The following OR51B5 variants were observed in gnomAD, a reference collection of about 807,000 sequenced individuals.
The protein encoded by OR51B5 is olfactory receptor 51B5.
For missense variants in OR51B5, 456 were observed against 374.6 expected (o/e 1.22, Z -1.79); for synonymous variants, 186 against 144.8 (o/e 1.28, Z -2.04).
At chr11:5,351,463 A>C in intron 1 of OR51B5, 1 of 1,486,266 alleles carries the variant, frequency 6.7e-7, no homozygotes, top group Non-Finnish European at 9.2e-7. Flanking sequence ...ACTGATTACT[A>C]TTGCTTTACC....
intron 1 of OR51B5, among the ~76,000 whole-genome samples, chr11:5,414,838 AC>A (rs1434204237): frequency 6.6e-6 from 1 of 152,210 alleles, no homozygotes; most frequent in Admixed American, 6.5e-5. Context: ...AGACTTTAAC[AC>A]CCCACTGTCA....
intron 1 of OR51B5, among the ~76,000 whole-genome samples, chr11:5,408,246 T>G (rs1190038433): frequency 1.3e-5 from 2 of 152,134 alleles, no homozygotes; most frequent in African/African-American, 4.8e-5. Flanking sequence ...TCCTTTAATT[T>G]TATCCCAATA....
chr11:5,465,200 C>T (rs1234115801), intron 1 of OR51B5, among the ~76,000 whole-genome samples: 2,047 of 67,696 alleles, frequency 0.03, 71 homozygotes, highest in African/African-American at 0.1. Context: ...AGCGAGACTC[C>T]GTCTCAAAAA....
At chr11:5,355,762 T>TA (rs10581803) in intron 1 of OR51B5, among the ~76,000 whole-genome samples, 106 of 148,580 alleles carry the variant, frequency 7.1e-4, no homozygotes, top group East Asian at 5.2e-3. Context: ...CTTTAAAAAT[T>TA]AAAAAAAAAA....
At chr11:5,422,126 CAA>C in intron 1 of OR51B5, 2 of 1,166,534 alleles carry the variant, frequency 1.7e-6, no homozygotes, top group Non-Finnish European at 2.5e-6. Flanking sequence ...TTAAATGGGG[CAA>C]AGAGATATTA....
intron 1 of OR51B5, chr11:5,505,543 AAAAG>A: frequency 1.7e-6 from 2 of 1,149,416 alleles, no homozygotes; most frequent in Non-Finnish European, 2.2e-6. Context: ...GGCAATTTAT[AAAAG>A]AAAGAGGTTT....
chr11:5,383,205 T>C (rs1052365342), intron 1 of OR51B5, among the ~76,000 whole-genome samples: 2 of 152,088 alleles, frequency 1.3e-5, no homozygotes, highest in African/African-American at 2.4e-5. Flanking sequence ...CATTCAAAGA[T>C]GAAGTAGAGA....
intron 1 of OR51B5, among the ~76,000 whole-genome samples, chr11:5,424,638 G>A (rs1480831763): frequency 6.6e-6 from 1 of 151,966 alleles, no homozygotes; most frequent in Non-Finnish European, 1.5e-5. Flanking sequence ...TGAAGGCAGG[G>A]TTTCACTGGG....
intron 1 of OR51B5, chr11:5,392,778 G>A (rs1025115955): frequency 6.6e-6 from 1 of 152,280 alleles, no homozygotes; most frequent in Admixed American, 6.5e-5. Context: ...CGGGCATGGT[G>A]GTGGGCACCT....
intron 1 of OR51B5, among the ~76,000 whole-genome samples, chr11:5,380,442 A>G (rs1849592450): frequency 6.6e-6 from 1 of 152,154 alleles, no homozygotes; most frequent in African/African-American, 2.4e-5. Context: ...TTCTTCTGGG[A>G]AGGACTTGTT....
At chr11:5,390,468 T>TA in intron 1 of OR51B5, 1 of 1,178,984 alleles carries the variant, frequency 8.5e-7, no homozygotes, top group South Asian at 1.7e-5. Context: ...AGCATGCTCT[T>TA]AAAGATTTTT....
At chr11:5,409,470 G>C (rs1850110154) in intron 1 of OR51B5, among the ~76,000 whole-genome samples, 1 of 151,080 alleles carries the variant, frequency 6.6e-6, no homozygotes, top group Non-Finnish European at 1.5e-5. Flanking sequence ...CAAAGAATCG[G>C]AAAATATTAA....
At chr11:5,367,033 T>A (rs1386308453) in intron 1 of OR51B5, among the ~76,000 whole-genome samples, 1 of 152,148 alleles carries the variant, frequency 6.6e-6, no homozygotes, top group Non-Finnish European at 1.5e-5. Flanking sequence ...TGAACCAGGA[T>A]AAAATTCTCT....
intron 1 of OR51B5, among the ~76,000 whole-genome samples, chr11:5,399,216 A>T (rs1441206871): frequency 6.6e-6 from 1 of 152,042 alleles, no homozygotes. Context: ...CTCATCTATT[A>T]AGTGGGAAAT....
chr11:5,468,703 T>C (rs1283645345), intron 1 of OR51B5: 1 of 456,340 alleles, frequency 2.2e-6, no homozygotes, highest in African/African-American at 2.0e-5. Context: ...ATGTGTTGAG[T>C]GTCTTAAGCC....
chr11:5,422,931 T>C, intron 1 of OR51B5: 2 of 1,614,120 alleles, frequency 1.2e-6, no homozygotes, highest in Non-Finnish European at 1.7e-6. Context: ...AATAACTGCC[T>C]GTCCCACATT....
At chr11:5,443,729 CCCA>C (rs1371889681) in intron 1 of OR51B5, among the ~76,000 whole-genome samples, 1 of 151,852 alleles carries the variant, frequency 6.6e-6, no homozygotes, top group Non-Finnish European at 1.5e-5. Flanking sequence ...GAGAAAATTC[CCCA>C]CCACCACCCC....
intron 1 of OR51B5, among the ~76,000 whole-genome samples, chr11:5,376,539 G>C (rs978190168): frequency 6.6e-6 from 1 of 151,940 alleles, no homozygotes; most frequent in Admixed American, 6.6e-5. Flanking sequence ...TTTTTTGAAA[G>C]GATCAACAAA....
intron 1 of OR51B5, among the ~76,000 whole-genome samples, chr11:5,495,930 G>T (rs1223158661): frequency 6.6e-6 from 1 of 152,116 alleles, no homozygotes; most frequent in East Asian, 1.9e-4. Context: ...CAGCGTAGCA[G>T]GGTGGCATAT....
Sources: gnomAD v4.1 joint callset for allele counts (sites outside exome capture counted in the v4.1 genomes callset) on GRCh38, gnomAD v4.1.1 for gene constraint, MANE v1.5 for transcripts, NCBI Gene and HGNC (gene_info 2026-07-23, HGNC 2026-07-21) for gene names.